The following FAT4 variants were observed in gnomAD, a reference collection of about 807,000 sequenced individuals.
The protein encoded by FAT4 is protocadherin Fat 4.
A neutral mutation model predicts 303.9 loss-of-function variants in FAT4; 84 were observed. The observed-to-expected ratio is 0.28, with a 90% CI of 0.23 to 0.33. The LOEUF (loss-of-function observed/expected upper bound fraction) is 0.33, where lower values mean the gene tolerates loss of function less well. Ranked by LOEUF, FAT4 falls within the 10% of genes least tolerant of loss-of-function variation. The pLI is 1.00. For synonymous variants in FAT4, 2,307 were observed against 2,298.8 expected (o/e 1.00, Z -0.10); for missense variants, 6,005 against 6,146.8 (o/e 0.98, Z 0.77).
chr4:125,425,722 GT>G (rs1372427955), intron 7 of FAT4, among the ~76,000 whole-genome samples: 1 of 152,060 alleles, frequency 6.6e-6, no homozygotes, highest in Non-Finnish European at 1.5e-5. Flanking sequence ...GAATTTGGGG[GT>G]AGGAGATTAA....
At chr4:125,370,622 A>T (rs138412090) in intron 2 of FAT4, among the ~76,000 whole-genome samples, 1 of 152,236 alleles carries the variant, frequency 6.6e-6, no homozygotes, top group Non-Finnish European at 1.5e-5. Flanking sequence ...TAAATCACGT[A>T]TACAGACAAT....
intron 2 of FAT4, among the ~76,000 whole-genome samples, chr4:125,341,891 CT>C (rs1360171992): frequency 6.6e-6 from 1 of 151,938 alleles, no homozygotes; most frequent in Non-Finnish European, 1.5e-5. Context: ...TTTATTGAGA[CT>C]ATGTGTGGCT....
chr4:125,452,904 TA>T, intron 10 of FAT4, 94 bp downstream of exon 10: 1 of 1,390,656 alleles, frequency 7.2e-7, no homozygotes, highest in Non-Finnish European at 9.8e-7. Context: ...GATTTTCATA[TA>T]AATGAGCATA....
intron 11 of FAT4, 113 bp from the exon 12 acceptor site, chr4:125,468,398 TA>T (rs767347707): frequency 3.3e-5 from 24 of 725,044 alleles, no homozygotes; most frequent in Non-Finnish European, 4.0e-5. Flanking sequence ...TTTTGGAAAG[TA>T]AAAAAAGTTG....
In FAT4 at chr4:125,487,431, C is replaced by T. The variant is rs17009825; in HGVS notation, c.12909C>T (p.Asp4303=). 112,365 of 1,613,720 alleles carry T rather than the reference C, an allele frequency of 0.07. 4,404 individuals carry two copies. The highest frequency in any genetic ancestry group is 0.14 in the African/African-American group (10,324 of 74,958). The change falls in exon 17 of 18, where the codon GAC becomes GAT. Residue 4303 remains aspartate (D), a synonymous_variant. Coordinates refer to ENST00000394329, the MANE Select transcript of FAT4 (RefSeq NM_001291303.3). ...ATATTCCTGAAGTATATGTTGCAGA[C>T]GGCCACTGGCACACTTTTCTAATTG... ...ERNIPEVYVA[D]GHWHTFLIGK...
chr4:125,442,379 A>G (rs1364224721), intron 8 of FAT4, among the ~76,000 whole-genome samples: 2 of 151,982 alleles, frequency 1.3e-5, no homozygotes, highest in Non-Finnish European at 2.9e-5. Context: ...TTTTTAACCT[A>G]CTTAACCGTG....
At position 125,416,495 on chromosome 4, in the gene FAT4, T is replaced by C. The variant is rs1427995583; in HGVS notation, c.6891T>C (p.Tyr2297=). 12 of 1,613,982 alleles carry C rather than the reference T, an allele frequency of 7.4e-6. No individual in the cohort carries two copies. Among genetic ancestry groups the C allele is most frequent in the South Asian group, 1.1e-5 (1 of 91,090 alleles). Residue 2297 remains tyrosine, a synonymous_variant, in exon 7 of 18, where the codon TAT becomes TAC. Transcript: ENST00000394329. ...GAGGATCTAACAGCAAACTCTCATA[T>C]GTTCTGTTTGGTGGTAATGAAGACA... ...DDRGSNSKLS[Y]VLFGGNEDNA... is the part of the protein sequence containing the mutation.
chr4:125,383,585 G>C (rs970910494), intron 2 of FAT4, among the ~76,000 whole-genome samples: 1 of 152,206 alleles, frequency 6.6e-6, no homozygotes, highest in Non-Finnish European at 1.5e-5. Context: ...CACAAAGGGA[G>C]CACATGCTAC....
intron 2 of FAT4, among the ~76,000 whole-genome samples, chr4:125,345,092 C>T (rs1315706376): frequency 6.6e-6 from 1 of 152,032 alleles, no homozygotes; most frequent in South Asian, 2.1e-4. Flanking sequence ...CAAAGGTCAT[C>T]CTTTATTTAA....
chr4:125,362,238 T>C (rs1732702874), intron 2 of FAT4, among the ~76,000 whole-genome samples: 2 of 152,188 alleles, frequency 1.3e-5, no homozygotes, highest in Non-Finnish European at 2.9e-5. Flanking sequence ...ACATTTTTTT[T>C]TCCTTTCTCA....
chr4:125,316,591 G>A lies in FAT4; in HGVS notation c.180G>A (p.Leu60=). ...QVLEEQPPGT[L]VGTIQTRPGF... ...TGGAAGAGCAACCTCCAGGCACTCT[G>A]GTAGGCACCATCCAGACGCGCCCCG... Residue 60 remains leucine, a synonymous_variant, in exon 2 of 18, where the codon CTG becomes CTA. Coordinates refer to ENST00000394329, the MANE Select transcript of FAT4 (RefSeq NM_001291303.3). This position sits in a 1 kb window ranked among gnomAD's most constrained non-coding sequence, Gnocchi z 5.7. 6.2e-7 allele frequency: 1 copy of A among 1,613,982 alleles called. No homozygotes were observed. The highest frequency in any genetic ancestry group is 8.5e-7 in the Non-Finnish European group (1 of 1,180,022).
At chr4:125,404,600 C>T (rs1192089832) in intron 3 of FAT4, among the ~76,000 whole-genome samples, 1 of 151,846 alleles carries the variant, frequency 6.6e-6, no homozygotes, top group East Asian at 1.9e-4. Flanking sequence ...TGAGATCTGC[C>T]CTTTTAAAAG....
At position 125,479,693 on chromosome 4, in the gene FAT4, C is replaced by T. The variant is rs1404085152; in HGVS notation, c.12480-48C>T. ...GTGTATATTGAGTTTTAGCAAACTTCTCCTCATCTTTTATGTGCGTTATTG... is the reference window on the plus strand; with the variant it reads ...GTGTATATTGAGTTTTAGCAAACTTTTCCTCATCTTTTATGTGCGTTATTG... On this transcript the variant is annotated intron_variant, in intron 14 of 17. Transcript: ENST00000394329. 2.0e-6 allele frequency: 3 copies of T among 1,465,914 alleles called. No homozygotes were observed. The African/African-American group carries it at 4.2e-5, about 20-fold the overall frequency. 90.8% of individuals were successfully genotyped at this position (1,465,914 alleles called of 1,614,324 possible).
chr4:125,394,154 A>T (rs1412578938), intron 2 of FAT4: 1 of 505,852 alleles, frequency 2.0e-6, no homozygotes, highest in Non-Finnish European at 3.5e-6. Context: ...TAACGGGATC[A>T]TGAATCTTCA....
intron 2 of FAT4, among the ~76,000 whole-genome samples, chr4:125,327,595 G>A (rs1731208376): frequency 6.6e-6 from 1 of 152,068 alleles, no homozygotes; most frequent in Non-Finnish European, 1.5e-5. Context: ...TGACAAACAG[G>A]ATTATTGATG....
chr4:125,350,114 T>C (rs1252510942), intron 2 of FAT4, among the ~76,000 whole-genome samples: 1 of 151,608 alleles, frequency 6.6e-6, no homozygotes, highest in Non-Finnish European at 1.5e-5. Flanking sequence ...ATTTCTCTTG[T>C]GTAGGACAGT....
intron 8 of FAT4, among the ~76,000 whole-genome samples, chr4:125,440,134 T>TA (rs1725602992): frequency 6.6e-6 from 1 of 152,178 alleles, no homozygotes; most frequent in Non-Finnish European, 1.5e-5. Flanking sequence ...CAATATCTGG[T>TA]ACATAACAGT....
chr4:125,320,416 C>T lies in FAT4; in HGVS notation c.4005C>T (p.Ser1335=). The change falls in exon 2 of 18, where the codon TCC becomes TCT. Residue 1335 remains serine, a synonymous_variant. Coordinates refer to ENST00000394329, the MANE Select transcript of FAT4 (RefSeq NM_001291303.3). The part of the protein sequence containing the change: ...LENMRIGELV[S]SVTATDSDSG... ...ACATGAGAATTGGTGAACTCGTGTC[C>T]TCTGTTACTGCAACTGATTCCGATT... 3 of 1,613,880 alleles carry T rather than the reference C, an allele frequency of 1.9e-6. No homozygotes were observed. The highest frequency in any genetic ancestry group is 2.5e-6 in the Non-Finnish European group (3 of 1,179,836).
chr4:125,336,912 T>C (rs6834185), intron 2 of FAT4, among the ~76,000 whole-genome samples: 77,553 of 151,818 alleles, frequency 0.51, 20,552 homozygotes, highest in Non-Finnish European at 0.59. Context: ...TACTTATTAA[T>C]ATATGCATTA....
Sources: gnomAD v4.1 joint callset for allele counts (sites outside exome capture counted in the v4.1 genomes callset) on GRCh38, gnomAD v4.1.1 for gene constraint, Gnocchi (gnomAD v3.1) non-coding constraint, MANE v1.5 for transcripts, NCBI Gene and HGNC (gene_info 2026-07-23, HGNC 2026-07-21) for gene names.